Variants in IPO11 observed in about 807,000 individuals in gnomAD.
The protein encoded by IPO11 is importin-11.
IPO11 carries 66 observed loss-of-function variants against 143.2 expected under a neutral mutation model. The ratio of observed to expected loss-of-function variants is 0.46; its 90% CI spans 0.38 to 0.57. The LOEUF (loss-of-function observed/expected upper bound fraction) is 0.57. Among genes scored for constraint, IPO11 ranks in the 20% least tolerant of loss-of-function variants. The pLI is 0.00. For missense variants in IPO11, 1,026 were observed against 1,141.0 expected (o/e 0.90, Z 1.45); for synonymous variants, 385 against 377.8 (o/e 1.02, Z -0.22).
Position 62,490,120 on chromosome 5 carries a change from A to G in IPO11, c.1363A>G (p.Asn455Asp). 2.5e-6 allele frequency: 4 copies of G among 1,588,272 alleles called. No homozygotes were observed. Among genetic ancestry groups the G allele is most frequent in the Non-Finnish European group, 3.4e-6 (4 of 1,169,630 alleles). The change falls in exon 15 of 30, where the codon AAT (asparagine) becomes GAT (aspartate). Residue 455 changes from asparagine to aspartate, a missense_variant. Asn to Asp is a conservative substitution (Grantham distance 23). Around this residue, in one of 5 missense-constraint regions of IPO11, gnomAD observed 237 missense variants for 288.0 expected, o/e 0.82. Coordinates refer to ENST00000325324, the MANE Select transcript of IPO11 (RefSeq NM_016338.5). ...TTCTTAAATTTTCTTCTCAGTGTAT[A>G]ATGCTGTTGGATTAGCTGCTTATGA... The part of the protein sequence containing the change: ...NALLIKDAVY[N>D]AVGLAAYELF...
rs544932016 is a variant in IPO11 at position 62,474,156 on chromosome 5, T to C, written c.709-260T>C. Reference sequence around the variant, plus strand: ...AGAGTGTTTAGTGAAACAGGATGCTTAAAAAGTAATTTTTTATTCATTGCA... The same window carrying C: ...AGAGTGTTTAGTGAAACAGGATGCTCAAAAAGTAATTTTTTATTCATTGCA... On this transcript the variant is annotated intron_variant, in intron 7 of 29. Coordinates refer to ENST00000325324, the MANE Select transcript of IPO11 (RefSeq NM_016338.5). Among the ~76,000 whole-genome samples, 3 of 152,282 alleles carry C rather than the reference T, an allele frequency of 2.0e-5. No homozygotes were observed. In the East Asian group the frequency reaches 5.8e-4, roughly 29 times the overall value.
intron 1 of IPO11, among the ~76,000 whole-genome samples, chr5:62,415,550 C>A (rs1743263605): frequency 6.7e-6 from 1 of 149,880 alleles, no homozygotes; most frequent in African/African-American, 2.5e-5. Flanking sequence ...TTCACTGCAA[C>A]CTCCGCCTCC....
chr5:62,622,152 G>C (rs1746400817), intron 29 of IPO11, among the ~76,000 whole-genome samples: 1 of 152,068 alleles, frequency 6.6e-6, no homozygotes, highest in South Asian at 2.1e-4. Context: ...TTCTTGAGAG[G>C]TTAGGCCTCA....
intron 7 of IPO11, among the ~76,000 whole-genome samples, chr5:62,471,863 C>A (rs1418566287): frequency 6.6e-6 from 1 of 152,100 alleles, no homozygotes; most frequent in African/African-American, 2.4e-5. Flanking sequence ...ATGGACTGAT[C>A]ATTTGGGTAA....
rs1353860620 is a variant in IPO11, at chr5:62,524,411, C to T, written c.1897-1731C>T. 2.0e-5 allele frequency among the ~76,000 whole-genome samples: 3 copies of T among 152,112 alleles called. No homozygotes were observed. In the East Asian group the frequency reaches 5.8e-4, roughly 29 times the overall value. On this transcript the variant is annotated intron_variant, in intron 20 of 29. Coordinates refer to ENST00000325324, the MANE Select transcript of IPO11 (RefSeq NM_016338.5). ...TGCTAATGCTAGCATATTTTGAATACACATTTAAGTAAGTAGATAAATTTT... is the reference window on the plus strand; with the variant it reads ...TGCTAATGCTAGCATATTTTGAATATACATTTAAGTAAGTAGATAAATTTT...
intron 22 of IPO11, among the ~76,000 whole-genome samples, chr5:62,531,818 A>G (rs1742555543): frequency 6.6e-6 from 1 of 152,236 alleles, no homozygotes; most frequent in Non-Finnish European, 1.5e-5. Flanking sequence ...TCAAATAACA[A>G]TCAAGGTAAC....
intron 1 of IPO11, among the ~76,000 whole-genome samples, chr5:62,435,989 T>G (rs1195888177): frequency 6.6e-6 from 1 of 152,176 alleles, no homozygotes; most frequent in Non-Finnish European, 1.5e-5. Context: ...GCTGTTGCAC[T>G]CGAGCCTGGG....
intron 5 of IPO11, among the ~76,000 whole-genome samples, chr5:62,453,309 T>C (rs1745010480): frequency 1.3e-5 from 2 of 151,198 alleles, no homozygotes; most frequent in Non-Finnish European, 2.9e-5. Flanking sequence ...TCCTTCTGAC[T>C]TTTGCTCTGG....
intron 28 of IPO11, among the ~76,000 whole-genome samples, chr5:62,598,472 C>CTT (rs1745341451): frequency 6.0e-4 from 2 of 3,356 alleles, no homozygotes; most frequent in Non-Finnish European, 9.9e-4. Context: ...CTCTCTCTCT[C>CTT]TCTCTCTCTC....
At chr5:62,476,552 C>T in intron 8 of IPO11, 131 bp from the exon 9 acceptor site, 1 of 992,068 alleles carries the variant, frequency 1.0e-6, no homozygotes, top group Non-Finnish European at 1.4e-6. Context: ...CTTGGTATTG[C>T]TTTTTAAATA....
chr5:62,620,285 C>T (rs965858579), intron 29 of IPO11, among the ~76,000 whole-genome samples: 19 of 152,104 alleles, frequency 1.2e-4, no homozygotes, highest in Admixed American at 3.9e-4. Context: ...TTTGGGAGGC[C>T]GAGGTGGGCG....
intron 27 of IPO11, among the ~76,000 whole-genome samples, chr5:62,575,173 A>G (rs1313167267): frequency 6.6e-6 from 1 of 152,234 alleles, no homozygotes; most frequent in Non-Finnish European, 1.5e-5. Flanking sequence ...TATCATAGCT[A>G]CTGTCATGAT....
intron 19 of IPO11, among the ~76,000 whole-genome samples, chr5:62,512,782 G>T (rs374823059): frequency 6.7e-6 from 1 of 149,430 alleles, no homozygotes; most frequent in Non-Finnish European, 1.5e-5. Context: ...GAGTGGTGAT[G>T]ACTCTTAACG....
intron 16 of IPO11, among the ~76,000 whole-genome samples, chr5:62,501,699 T>C (rs1741353069): frequency 6.6e-6 from 1 of 152,232 alleles, no homozygotes; most frequent in African/African-American, 2.4e-5. Flanking sequence ...ATGTCATTTA[T>C]GTTAGTATTT....
rs2112265183 is a variant in IPO11 at position 62,506,279 on chromosome 5, G to A, written c.1704G>A (p.Leu568=). 6.2e-7 allele frequency: 1 copy of A among 1,609,772 alleles called. No homozygotes were observed. Among genetic ancestry groups the A allele is most frequent in the Non-Finnish European group, 8.5e-7 (1 of 1,177,684 alleles). ...TGTTCACACTACTTTTTCAGTTACT[G>A]CAGCAAGTTACAGAATGTGACACAA... ...ETMFTLLFQL[L]QQVTECDTKM... is the part of the protein sequence containing the mutation. Residue 568 remains leucine (L), a synonymous_variant, in exon 19 of 30, where the codon CTG becomes CTA. Transcript: ENST00000325324.
chr5:62,447,258 G>A (rs567723317), intron 3 of IPO11, among the ~76,000 whole-genome samples: 5 of 151,902 alleles, frequency 3.3e-5, no homozygotes, highest in East Asian at 3.9e-4. Flanking sequence ...TGTGTGTGCC[G>A]CCAGTGGCTA....
At chr5:62,542,209 A>G (rs530259248) in intron 24 of IPO11, among the ~76,000 whole-genome samples, 3 of 152,144 alleles carry the variant, frequency 2.0e-5, no homozygotes, top group Non-Finnish European at 4.4e-5. Context: ...TATGTGTTTA[A>G]GATGGTATTT....
At chr5:62,496,051 A>G (rs1403287756) in intron 16 of IPO11, among the ~76,000 whole-genome samples, 1 of 152,076 alleles carries the variant, frequency 6.6e-6, no homozygotes, top group Non-Finnish European at 1.5e-5. Context: ...GCACTTTGGG[A>G]GGCCAAGGTG....
chr5:62,431,435 G>T (rs1452929816), intron 1 of IPO11, among the ~76,000 whole-genome samples: 1 of 152,116 alleles, frequency 6.6e-6, no homozygotes, highest in Non-Finnish European at 1.5e-5. Context: ...TGTCACCCAG[G>T]TTGGAGTGCA....
Sources: gnomAD v4.1 joint callset for allele counts (sites outside exome capture counted in the v4.1 genomes callset) on GRCh38, gnomAD v4.1.1 for gene constraint, gnomAD v4.1.1 regional missense constraint, MANE v1.5 for transcripts, NCBI Gene and HGNC (gene_info 2026-07-23, HGNC 2026-07-21) for gene names.